ANTXR1: variants seen among roughly 807,000 people sequenced by gnomAD.
The protein encoded by ANTXR1 is ANTXR cell adhesion molecule 1.
A neutral mutation model predicts 78.1 loss-of-function variants in ANTXR1; 19 were observed. The ratio of observed to expected loss-of-function variants is 0.24; its 90% CI spans 0.17 to 0.36. The LOEUF is 0.36. Ranked by LOEUF, ANTXR1 falls within the 10% of genes least tolerant of loss-of-function variation. The pLI, the probability that ANTXR1 is intolerant of heterozygous loss-of-function variation, is 1.00. For synonymous variants in ANTXR1, 273 were observed against 260.5 expected, an observed-to-expected ratio of 1.05 and a Z score of -0.46; for missense variants, 518 against 718.6, an observed-to-expected ratio of 0.72 and a Z score of 3.19.
At chr2:69,023,455 G>A (rs1013061672) in intron 1 of ANTXR1, among the ~76,000 whole-genome samples, 1 of 151,144 alleles carries the variant, frequency 6.6e-6, no homozygotes, top group African/African-American at 2.4e-5. Context: ...TAGTAGTGAT[G>A]ATAGTGATGG....
intron 1 of ANTXR1, among the ~76,000 whole-genome samples, chr2:69,029,527 A>C (rs114983931): frequency 0.021 from 3,252 of 151,832 alleles, 60 homozygotes; most frequent in Non-Finnish European, 0.034. Context: ...ATTTCTTAAA[A>C]TATAAGAATA....
In ANTXR1 at chr2:69,067,545, G is replaced by C. The variant is rs571303041; in HGVS notation, c.297-3102G>C. On this transcript the variant is annotated intron_variant, in intron 3 of 17. Coordinates refer to ENST00000303714, the MANE Select transcript of ANTXR1 (RefSeq NM_032208.3). ...AATGTCCCAGACTTCACTAGTCTGT[G>C]ACCAAAGAATTAGATCATATTTACT... Among the ~76,000 whole-genome samples the C allele has an allele frequency of 3.4e-5, 5 of 148,824 alleles. No individual in the cohort carries two copies. The East Asian group carries it at 1.0e-3, about 30-fold the overall frequency.
At chr2:69,130,655 T>C (rs1202764812) in intron 12 of ANTXR1, among the ~76,000 whole-genome samples, 2 of 152,212 alleles carry the variant, frequency 1.3e-5, no homozygotes, top group African/African-American at 2.4e-5. Flanking sequence ...TTGAGGTACA[T>C]AATAGTCTGT....
At chr2:69,076,272 CG>C (rs1233267245) in intron 7 of ANTXR1, among the ~76,000 whole-genome samples, 3 of 152,162 alleles carry the variant, frequency 2.0e-5, no homozygotes, top group Non-Finnish European at 4.4e-5. Flanking sequence ...CCACCACACC[CG>C]GGCCAAATTT....
intron 10 of ANTXR1, among the ~76,000 whole-genome samples, chr2:69,118,696 C>T (rs1029012218): frequency 7.2e-5 from 11 of 152,152 alleles, no homozygotes; most frequent in East Asian, 5.8e-4. Context: ...CTTTGGCACA[C>T]GCTGCAGCGA....
chr2:69,242,816 A>C (rs1466044440), intron 17 of ANTXR1, among the ~76,000 whole-genome samples: 1 of 152,286 alleles, frequency 6.6e-6, no homozygotes, highest in Admixed American at 6.5e-5. Flanking sequence ...AGCTTTATCC[A>C]GAATCATAAA....
intron 1 of ANTXR1, among the ~76,000 whole-genome samples, chr2:69,031,767 A>C (rs62135613): frequency 0.034 from 5,230 of 152,312 alleles, 143 homozygotes; most frequent in South Asian, 0.058. Flanking sequence ...GGAATTTAGA[A>C]AATCTCTCTT....
chr2:69,181,330 G>A (rs968308097), intron 14 of ANTXR1, among the ~76,000 whole-genome samples: 1 of 152,204 alleles, frequency 6.6e-6, no homozygotes. Context: ...AGGCAGTGGG[G>A]AAGACTACAG....
chr2:69,230,354 G>A (rs765036539), intron 17 of ANTXR1, among the ~76,000 whole-genome samples: 6 of 151,678 alleles, frequency 4.0e-5, no homozygotes, highest in Admixed American at 6.6e-5. Flanking sequence ...CCTTCCTCAG[G>A]GGCCATCAGA....
chr2:69,052,725 C>A (rs1440774040), intron 3 of ANTXR1, among the ~76,000 whole-genome samples: 1 of 152,008 alleles, frequency 6.6e-6, no homozygotes, highest in East Asian at 1.9e-4. Context: ...TCTGTCCATT[C>A]GATTCTTGAA....
At chr2:69,057,211 A>G (rs772004944) in intron 3 of ANTXR1, among the ~76,000 whole-genome samples, 1 of 152,178 alleles carries the variant, frequency 6.6e-6, no homozygotes, top group Non-Finnish European at 1.5e-5. Flanking sequence ...TGTTATTATA[A>G]ACAAAGAGGA....
rs541748294 is a variant in ANTXR1, at chr2:69,083,494, G to A, written c.642+6006G>A. Among the ~76,000 whole-genome samples, 27 of 152,212 alleles carry A rather than the reference G, an allele frequency of 1.8e-4. No homozygotes were observed. The South Asian group carries it at 5.6e-3, about 32-fold the overall frequency. On this transcript the variant is annotated intron_variant, in intron 8 of 17. Coordinates refer to ENST00000303714, the MANE Select transcript of ANTXR1 (RefSeq NM_032208.3). ...GCTCTCCCTGCCTTGGACTCCAGTG[G>A]CACCAATTTTTTGAAGCTCTTGCTT...
At chr2:69,235,096 T>C (rs1323177536) in intron 17 of ANTXR1, among the ~76,000 whole-genome samples, 1 of 141,470 alleles carries the variant, frequency 7.1e-6, no homozygotes, top group Non-Finnish European at 1.5e-5. Context: ...CAATCTTGGC[T>C]CACCGCAACC....
At position 69,090,880 on chromosome 2, in the gene ANTXR1, G is replaced by A. The variant is rs1173410150; in HGVS notation, c.664G>A (p.Glu222Lys). The A allele has an allele frequency of 1.9e-6, 3 of 1,613,004 alleles. No individual in the cohort carries two copies. Among genetic ancestry groups the A allele is most frequent in the African/African-American group, 1.3e-5 (1 of 74,886 alleles). The change falls in exon 9 of 18, where the codon GAA (glutamate) becomes AAA (lysine). Residue 222 changes from glutamate to lysine, a missense_variant. Around this residue, in one of 5 missense-constraint regions of ANTXR1, gnomAD observed 264 missense variants for 391.8 expected, o/e 0.67. Transcript: ENST00000303714. Reference sequence around the variant, plus strand: ...CTAGATTTTGAAGAAGTCCTGCATCGAAATTCTAGCAGCTGAACCATCCAC... The same window carrying A: ...CTAGATTTTGAAGAAGTCCTGCATCAAAATTCTAGCAGCTGAACCATCCAC... Reference protein sequence around the residue: ...IHSILKKSCIEILAAEPSTIC... With the variant: ...IHSILKKSCIKILAAEPSTIC...
chr2:69,040,083 C>G lies in ANTXR1; in HGVS notation c.192C>G (p.Tyr64Ter). 6.2e-7 allele frequency: 1 copy of G among 1,613,456 alleles called. No homozygotes were observed. Among genetic ancestry groups the G allele is most frequent in the African/African-American group, 1.3e-5 (1 of 75,038 alleles). ...SVLHHWNEIY[Y>*]FVEQLAHKFI... ...TGCACCACTGGAATGAAATCTATTA[C>G]TTTGTGGAACAGTTGGCTCACAAAT... is the stretch of plus-strand genomic sequence containing the variant. The change falls in exon 2 of 18, where the codon TAC becomes TAG. Residue 64 changes from tyrosine (Y) to a stop codon, truncating the protein, a stop_gained. Coordinates refer to ENST00000303714, the MANE Select transcript of ANTXR1 (RefSeq NM_032208.3). LOFTEE classifies it high-confidence loss of function.
intron 3 of ANTXR1, among the ~76,000 whole-genome samples, chr2:69,050,337 G>A (rs1353374326): frequency 1.3e-5 from 2 of 151,840 alleles, no homozygotes; most frequent in African/African-American, 4.8e-5. Context: ...ATTTTCTAAT[G>A]AAAAACTAAC....
At chr2:69,223,013 T>G (rs1675358862) in intron 17 of ANTXR1, among the ~76,000 whole-genome samples, 1 of 152,226 alleles carries the variant, frequency 6.6e-6, no homozygotes, top group Non-Finnish European at 1.5e-5. Context: ...AGAAAGAGGC[T>G]CTTTACTATC....
intron 13 of ANTXR1, among the ~76,000 whole-genome samples, chr2:69,165,872 A>G (rs1673813346): frequency 6.6e-6 from 1 of 152,246 alleles, no homozygotes; most frequent in Non-Finnish European, 1.5e-5. Flanking sequence ...GAAAAGCAAA[A>G]TAAACTCATC....
chr2:69,043,433 T>C (rs1456262697), intron 2 of ANTXR1, among the ~76,000 whole-genome samples: 1 of 152,206 alleles, frequency 6.6e-6, no homozygotes, highest in Non-Finnish European at 1.5e-5. Context: ...ATTATAATCA[T>C]TATGATTGTT....
Sources: gnomAD v4.1 joint callset for allele counts (sites outside exome capture counted in the v4.1 genomes callset) on GRCh38, gnomAD v4.1.1 for gene constraint, gnomAD v4.1.1 regional missense constraint, MANE v1.5 for transcripts, NCBI Gene and HGNC (gene_info 2026-07-23, HGNC 2026-07-21) for gene names.